RASGRP3: variants seen among roughly 807,000 people sequenced by gnomAD.
The protein encoded by RASGRP3 is RAS guanyl releasing protein 3, also known as ras guanyl-releasing protein 3.
Under a neutral mutation model 82.7 loss-of-function variants are expected in RASGRP3, and 54 were observed. The ratio of observed to expected loss-of-function variants is 0.65; its 90% CI spans 0.52 to 0.82. The LOEUF (loss-of-function observed/expected upper bound fraction) is 0.82. Ranked by LOEUF, RASGRP3 falls within the 40% of genes least tolerant of loss-of-function variation. RASGRP3 has a pLI of 0.00. For synonymous variants in RASGRP3, 309 were observed against 300.5 expected, an observed-to-expected ratio of 1.03 and a Z score of -0.29; for missense variants, 861 against 828.9, an observed-to-expected ratio of 1.04 and a Z score of -0.48.
chr2:33,448,822 A>G (rs552408337), intron 2 of RASGRP3, among the ~76,000 whole-genome samples: 1 of 152,290 alleles, frequency 6.6e-6, no homozygotes, highest in South Asian at 2.1e-4. Flanking sequence ...AATTTATGTT[A>G]TATATATTTA....
intron 2 of RASGRP3, among the ~76,000 whole-genome samples, chr2:33,449,562 C>G (rs1243120990): frequency 2.6e-5 from 4 of 152,094 alleles, no homozygotes; most frequent in African/African-American, 9.7e-5. Flanking sequence ...GAGATTGAGA[C>G]CATTGTGGCC....
Position 33,541,119 on chromosome 2 carries a change from C to T in RASGRP3, c.1278+1909C>T, listed in dbSNP as rs1054104413. Among the ~76,000 whole-genome samples the T allele has an allele frequency of 6.8e-5, 10 of 147,054 alleles. 1 individual carries two copies. The highest frequency in any genetic ancestry group is 2.4e-4 in the African/African-American group (10 of 41,100). ...TGTATACATGTGTTTGCAGAAAGAA[C>T]TTACAAATCTTTTTGAAAACCTAAT... On this transcript the variant is annotated intron_variant, in intron 12 of 17. Coordinates refer to ENST00000403687, the MANE Select transcript of RASGRP3 (RefSeq NM_001139488.2).
chr2:33,560,484 C>T (rs1362904875), intron 17 of RASGRP3, among the ~76,000 whole-genome samples: 1 of 152,186 alleles, frequency 6.6e-6, no homozygotes, highest in Non-Finnish European at 1.5e-5. Context: ...GTACTTTATA[C>T]TCCGTGTAAA....
intron 17 of RASGRP3, among the ~76,000 whole-genome samples, chr2:33,561,980 A>T (rs1000681769): frequency 2.0e-5 from 3 of 152,166 alleles, no homozygotes; most frequent in Non-Finnish European, 4.4e-5. Context: ...AATACTTATC[A>T]TAAAAGGGTT....
At chr2:33,504,337 C>G (rs1048802693) in intron 1 of RASGRP3, among the ~76,000 whole-genome samples, 7 of 152,036 alleles carry the variant, frequency 4.6e-5, no homozygotes, top group African/African-American at 1.7e-4. Context: ...CTGTCTCTGT[C>G]ACCAGACTTA....
At chr2:33,448,724 A>G (rs1457722338) in intron 2 of RASGRP3, among the ~76,000 whole-genome samples, 1 of 152,000 alleles carries the variant, frequency 6.6e-6, no homozygotes, top group African/African-American at 2.4e-5. Flanking sequence ...GTGATAAAAA[A>G]GTTTTGCAAA....
intron 1 of RASGRP3, among the ~76,000 whole-genome samples, chr2:33,502,383 T>C (rs1486649511): frequency 2.6e-5 from 4 of 152,202 alleles, no homozygotes; most frequent in African/African-American, 7.2e-5. Flanking sequence ...TTCATTTGTC[T>C]TAATTTGCTC....
chr2:33,506,000 C>A (rs960708082), intron 1 of RASGRP3, among the ~76,000 whole-genome samples: 8 of 151,996 alleles, frequency 5.3e-5, no homozygotes, highest in African/African-American at 1.9e-4. Context: ...GTTTGGTTGC[C>A]AATATTCAAT....
intron 1 of RASGRP3, among the ~76,000 whole-genome samples, chr2:33,443,818 C>T (rs892214699): frequency 2.0e-5 from 3 of 150,022 alleles, no homozygotes; most frequent in Non-Finnish European, 3.0e-5. Flanking sequence ...TTGTTCAAGT[C>T]TACAGTGAGC....
rs185901867 is a variant in RASGRP3 at position 33,563,733 on chromosome 2, T to G, written c.*996T>G. The G allele has an allele frequency of 1.3e-5, 2 of 152,090 alleles. No individual in the cohort carries two copies. Among genetic ancestry groups the G allele is most frequent in the African/African-American group, 4.8e-5 (2 of 41,420 alleles). The allele number at this position is 152,090 out of a possible 1,614,324, so 9.4% of individuals were successfully genotyped here. Reference sequence around the variant, plus strand: ...GTTGTAAAAGAGAACCCTTGTTCCCTTCCTAAGAAACTGCCTTCCACAATT... The same window carrying G: ...GTTGTAAAAGAGAACCCTTGTTCCCGTCCTAAGAAACTGCCTTCCACAATT... On this transcript the variant is annotated 3_prime_UTR_variant, in exon 18 of 18. Coordinates refer to ENST00000403687, the MANE Select transcript of RASGRP3 (RefSeq NM_001139488.2).
chr2:33,456,871 A>G (rs1009813228), intron 2 of RASGRP3, among the ~76,000 whole-genome samples: 76 of 151,804 alleles, frequency 5.0e-4, no homozygotes, highest in Non-Finnish European at 4.4e-5. Flanking sequence ...ACCATTCGTC[A>G]AAGTCTACCA....
At chr2:33,441,614 C>T (rs1665229775) in intron 1 of RASGRP3, among the ~76,000 whole-genome samples, 1 of 152,220 alleles carries the variant, frequency 6.6e-6, no homozygotes, top group Non-Finnish European at 1.5e-5. Context: ...TTGAATAGAA[C>T]AGTTTTAGAT....
At chr2:33,480,868 A>T (rs1458249750) in intron 1 of RASGRP3, among the ~76,000 whole-genome samples, 1 of 152,104 alleles carries the variant, frequency 6.6e-6, no homozygotes, top group Non-Finnish European at 1.5e-5. Flanking sequence ...ATAGCTTCAG[A>T]GTCTGTGGTG....
At chr2:33,551,327 T>C (rs1274750400) in intron 14 of RASGRP3, among the ~76,000 whole-genome samples, 2 of 151,812 alleles carry the variant, frequency 1.3e-5, no homozygotes, top group Non-Finnish European at 2.9e-5. Flanking sequence ...CAAAACAAAA[T>C]GGTCTCCTTT....
intron 1 of RASGRP3, among the ~76,000 whole-genome samples, chr2:33,484,693 T>C (rs1668216002): frequency 6.6e-6 from 1 of 152,194 alleles, no homozygotes; most frequent in South Asian, 2.1e-4. Flanking sequence ...TGTCTGCTAT[T>C]GAGAGAGGAA....
chr2:33,523,423 C>G (rs1265706976), intron 7 of RASGRP3, among the ~76,000 whole-genome samples: 1 of 151,340 alleles, frequency 6.6e-6, no homozygotes, highest in Non-Finnish European at 1.5e-5. Context: ...CGAGATCGCG[C>G]CACTGCACTC....
At chr2:33,533,993 G>T in intron 10 of RASGRP3, 4 of 255,722 alleles carry the variant, frequency 1.6e-5, no homozygotes, top group Non-Finnish European at 2.3e-5. Flanking sequence ...ACATTTACAA[G>T]TCTTATTGTT....
chr2:33,538,784 A>G (rs1673921409), intron 11 of RASGRP3, among the ~76,000 whole-genome samples: 1 of 152,134 alleles, frequency 6.6e-6, no homozygotes, highest in Non-Finnish European at 1.5e-5. Context: ...CATGCCTATA[A>G]TCCCGGCACT....
chr2:33,448,725 G>C (rs904587653), intron 2 of RASGRP3, among the ~76,000 whole-genome samples: 1 of 151,872 alleles, frequency 6.6e-6, no homozygotes, highest in African/African-American at 2.4e-5. Context: ...TGATAAAAAA[G>C]TTTTGCAAAT....
Sources: allele counts gnomAD v4.1 joint callset (sites outside exome capture counted in the v4.1 genomes callset), GRCh38; gene constraint gnomAD v4.1.1; transcripts MANE v1.5; gene names NCBI Gene and HGNC (gene_info 2026-07-23, HGNC 2026-07-21).